CYFIP1: variants seen among roughly 807,000 people sequenced by gnomAD.
CYFIP1 encodes cytoplasmic FMR1 interacting protein 1, also known as cytoplasmic FMR1-interacting protein 1.
CYFIP1 carries 58 observed loss-of-function variants against 163.5 expected under a neutral mutation model. That is an observed-to-expected ratio of 0.35 (90% CI 0.29 to 0.44). The LOEUF (loss-of-function observed/expected upper bound fraction) is 0.44. Among genes scored for constraint, CYFIP1 ranks in the 20% least tolerant of loss-of-function variants. The probability of loss-of-function intolerance (pLI) is 1.00; values close to 1 mark genes in which losing one functional copy is unlikely to be tolerated. For missense variants in CYFIP1, 1,338 were observed against 1,653.8 expected, an observed-to-expected ratio of 0.81 and a Z score of 3.31; for synonymous variants, 663 against 660.7, an observed-to-expected ratio of 1.00 and a Z score of -0.05.
chr15:22,902,805 C>T (rs1342791369), intron 22 of CYFIP1, among the ~76,000 whole-genome samples: 2 of 152,298 alleles, frequency 1.3e-5, no homozygotes, highest in East Asian at 1.9e-4. Flanking sequence ...ACAGGAAACG[C>T]GGTCCTGCAC....
At chr15:22,930,205 C>T (rs547093071) in intron 11 of CYFIP1, among the ~76,000 whole-genome samples, 2 of 150,230 alleles carry the variant, frequency 1.3e-5, no homozygotes, top group Non-Finnish European at 3.0e-5. Context: ...ACACAAAAAA[C>T]ACACACAAAA....
intron 12 of CYFIP1, 141 bp downstream of exon 12, chr15:22,927,765 A>G: frequency 1.3e-6 from 1 of 799,934 alleles, no homozygotes; most frequent in Non-Finnish European, 1.8e-6. Context: ...ATGTACTTAA[A>G]ATCACCTTGG....
chr15:22,907,241 T>C (rs1380391456), intron 21 of CYFIP1, among the ~76,000 whole-genome samples: 1 of 152,220 alleles, frequency 6.6e-6, no homozygotes, highest in Non-Finnish European at 1.5e-5. Flanking sequence ...GTCTAAATTA[T>C]TCTCTGTAGG....
In CYFIP1 at chr15:22,870,102, C is replaced by G. The variant is rs373926418; in HGVS notation, c.3688G>C (p.Asp1230His). The G allele has an allele frequency of 6.2e-7, 1 of 1,612,994 alleles. No individual in the cohort carries two copies. The highest frequency in any genetic ancestry group is 1.7e-5 in the Admixed American group (1 of 59,792). ...TILDKYLKSG[D>H]GEGTPVEHVR... ...TGCTCCACTGGCGTGCCCTCCCCGT[C>G]GCCTGACTTCAGGTACTTATCCAGG... The change falls in exon 31 of 31, where the codon GAC becomes CAC. Residue 1230 changes from aspartate (D) to histidine (H), a missense_variant. By Grantham distance (81) the Asp-to-His change is moderately conservative. Transcript: ENST00000617928.
rs745940150 is a variant in CYFIP1, at chr15:22,903,846, C to G, written c.2448G>C (p.Leu816=). ...ACATGGCGTCGAAGCCGTCCAGCGT[C>G]AGGTACCGGCTCAGCAGCTTGTGGG... The part of the protein sequence containing the change: ...RMTHKLLSRY[L]TLDGFDAMFR... The change falls in exon 22 of 31, where the codon CTG becomes CTC. Residue 816 remains leucine, a synonymous_variant. Coordinates refer to ENST00000617928, the MANE Select transcript of CYFIP1 (RefSeq NM_014608.6). The G allele has an allele frequency of 5.6e-6, 9 of 1,614,210 alleles. No homozygotes were observed. The highest frequency in any genetic ancestry group is 7.6e-6 in the Non-Finnish European group (9 of 1,180,042).
In CYFIP1 at chr15:22,918,875, A is replaced by G. The variant is rs769787475; in HGVS notation, c.1360-17T>C. On this transcript the variant is annotated splice_polypyrimidine_tract_variant and intron_variant, in intron 13 of 30. Transcript: ENST00000617928. ...GGCGATCACCTGCGGGGGACACAGC[A>G]ACAGGGACGGCCCTTCTTAGGGATG... The G allele has an allele frequency of 2.5e-6, 4 of 1,573,542 alleles. No individual in the cohort carries two copies. The highest frequency in any genetic ancestry group is 2.6e-6 in the Non-Finnish European group (3 of 1,159,340).
At chr15:22,943,538 G>A (rs1424010183) in intron 5 of CYFIP1, among the ~76,000 whole-genome samples, 184 bp from the exon 6 acceptor site, 1 of 152,194 alleles carries the variant, frequency 6.6e-6, no homozygotes, top group Non-Finnish European at 1.5e-5. Context: ...CCCACTGCCT[G>A]CTCTGCACCA....
At chr15:22,895,115 G>C (rs2060202279) in intron 22 of CYFIP1, among the ~76,000 whole-genome samples, 1 of 151,316 alleles carries the variant, frequency 6.6e-6, no homozygotes, top group Admixed American at 6.6e-5. Context: ...CCCAGGTTCA[G>C]GCCATTCTCC....
At chr15:22,888,523 G>A (rs1020409054) in intron 23 of CYFIP1, among the ~76,000 whole-genome samples, 4 of 151,966 alleles carry the variant, frequency 2.6e-5, no homozygotes, top group African/African-American at 9.7e-5. Flanking sequence ...ATTGAGCTCA[G>A]GAGTTCGCGA....
At position 22,870,164 on chromosome 15, in the gene CYFIP1, C is replaced by G. The variant is rs140750865; in HGVS notation, c.3626G>C (p.Arg1209Pro). The G allele has an allele frequency of 6.2e-7, 1 of 1,609,926 alleles. No homozygotes were observed. The change falls in exon 31 of 31, where the codon CGC becomes CCC. Residue 1209 changes from arginine (R) to proline (P), a missense_variant. Around this residue, in one of 4 missense-constraint regions of CYFIP1, gnomAD observed 306 missense variants for 322.1 expected, o/e 0.95. Transcript: ENST00000617928. The part of the protein sequence containing the change: ...VPLKKMVERI[R>P]KFQILNDEII... The stretch of plus-strand genomic sequence containing the variant: ...CTCATCATTGAGAATCTGGAACTTG[C>G]GAATTCTCTCCACCATCTTCTTCAA...
rs114251256 is a variant in CYFIP1 at position 22,870,863 on chromosome 15, G to A, written c.3598-671C>T. Among the ~76,000 whole-genome samples, 486 of 152,252 alleles carry A rather than the reference G, an allele frequency of 3.2e-3. 4 individuals are homozygous for A. The highest frequency in any genetic ancestry group is 0.011 in the African/African-American group (474 of 41,546). Reference sequence around the variant, plus strand: ...ACTTCCAGTTTGGAAATACTGTGACGGGATACTCTGACAGACCCTCCTGCT... The same window carrying A: ...ACTTCCAGTTTGGAAATACTGTGACAGGATACTCTGACAGACCCTCCTGCT... On this transcript the variant is annotated intron_variant, in intron 30 of 30. Coordinates refer to ENST00000617928, the MANE Select transcript of CYFIP1 (RefSeq NM_014608.6).
intron 1 of CYFIP1, among the ~76,000 whole-genome samples, chr15:22,979,230 C>T (rs2063382869): frequency 6.6e-6 from 1 of 152,160 alleles, no homozygotes; most frequent in Non-Finnish European, 1.5e-5. Context: ...ATCTAGACAT[C>T]ACTTGGAAAA....
intron 21 of CYFIP1, among the ~76,000 whole-genome samples, chr15:22,906,520 C>CAGTG (rs2060588578): frequency 7.1e-6 from 1 of 140,656 alleles, no homozygotes; most frequent in African/African-American, 2.7e-5. Flanking sequence ...GGCTGGAGTG[C>CAGTG]AGTGGCACAA....
At chr15:22,971,800 A>G (rs2063106264) in intron 1 of CYFIP1, among the ~76,000 whole-genome samples, 1 of 152,022 alleles carries the variant, frequency 6.6e-6, no homozygotes. Flanking sequence ...AGCCCAGGAT[A>G]TCAAAGCTGC....
In CYFIP1 at chr15:22,917,833, G is replaced by A. The variant is rs761659015; in HGVS notation, c.1629C>T (p.Phe543=). The A allele has an allele frequency of 5.3e-5, 86 of 1,613,680 alleles. 1 individual carries two copies. In the African/African-American group the frequency reaches 8.5e-4, roughly 16 times the overall value. The change falls in exon 15 of 31, where the codon TTC becomes TTT. Residue 543 remains phenylalanine (F), a synonymous_variant. Coordinates refer to ENST00000617928, the MANE Select transcript of CYFIP1 (RefSeq NM_014608.6). The surrounding 1 kb of genome is among the most constrained non-coding windows in gnomAD (Gnocchi z 4.2). ...LRGEKDPKSG[F]DIKVPRRAVG... ...CGGCGCGGCGTGGTACTTTTATGTC[G>A]AAGCCGCTCTTGGGGTCCTTCTCGC... is the stretch of plus-strand genomic sequence containing the variant.
chr15:22,877,236 C>A (rs1180728142), intron 26 of CYFIP1, among the ~76,000 whole-genome samples: 1 of 152,190 alleles, frequency 6.6e-6, no homozygotes, highest in African/African-American at 2.4e-5. Context: ...GTAAGCAAGG[C>A]TGCCTCTCAT....
intron 1 of CYFIP1, among the ~76,000 whole-genome samples, chr15:22,964,677 C>T (rs988488386): frequency 1.4e-4 from 22 of 152,192 alleles, no homozygotes; most frequent in Admixed American, 2.6e-4. Flanking sequence ...ACCAGCACAT[C>T]TCAGCCGCTT....
chr15:22,949,113 C>A (rs2062159026), intron 1 of CYFIP1, among the ~76,000 whole-genome samples: 1 of 152,210 alleles, frequency 6.6e-6, no homozygotes, highest in Non-Finnish European at 1.5e-5. Context: ...CACCCAGACA[C>A]ATCACGGTCA....
At chr15:22,923,292 T>C (rs1023216211) in intron 13 of CYFIP1, among the ~76,000 whole-genome samples, 1 of 152,124 alleles carries the variant, frequency 6.6e-6, no homozygotes, top group Non-Finnish European at 1.5e-5. Flanking sequence ...TAATTAAAAA[T>C]GGGCAAAGGA....
Sources: gnomAD v4.1 joint callset for allele counts (sites outside exome capture counted in the v4.1 genomes callset) on GRCh38, gnomAD v4.1.1 for gene constraint, gnomAD v4.1.1 regional missense constraint, Gnocchi (gnomAD v3.1) non-coding constraint, MANE v1.5 for transcripts, NCBI Gene and HGNC (gene_info 2026-07-23, HGNC 2026-07-21) for gene names.